The following DNAAF5 variants were observed in gnomAD, a reference collection of about 807,000 sequenced individuals.
DNAAF5 encodes dynein axonemal assembly factor 5.
DNAAF5 carries 64 observed loss-of-function variants against 75.8 expected under a neutral mutation model. The ratio of observed to expected loss-of-function variants is 0.84; its 90% CI spans 0.69 to 1.04. The LOEUF is 1.04. Among genes scored for constraint, DNAAF5 ranks in the 50% least tolerant of loss-of-function variants. The probability of loss-of-function intolerance (pLI) is 0.00; values close to 1 mark genes in which losing one functional copy is unlikely to be tolerated. For synonymous variants in DNAAF5, 657 were observed against 557.2 expected (o/e 1.18, Z -2.52); for missense variants, 1,269 against 1,178.5 (o/e 1.08, Z -1.12).
At chr7:766,871 GAATT>G (rs1226433637) in intron 8 of DNAAF5, among the ~76,000 whole-genome samples, 2 of 152,182 alleles carry the variant, frequency 1.3e-5, no homozygotes, top group South Asian at 2.1e-4. Context: ...TTATAAAAAA[GAATT>G]AATACAACTA....
At chr7:770,943 G>A (rs1162226433) in intron 9 of DNAAF5, 6 of 143,358 alleles carry the variant, frequency 4.2e-5, no homozygotes, top group African/African-American at 2.0e-4. Flanking sequence ...GAAGCAGCTA[G>A]TCCATCCTCA....
In DNAAF5 at chr7:754,090, G is replaced by A. The variant is rs185461320; in HGVS notation, c.1025-499G>A. On this transcript the variant is annotated intron_variant, in intron 4 of 12. Transcript: ENST00000297440. The surrounding 1 kb of genome is among the most constrained non-coding windows in gnomAD (Gnocchi z 4.8). ...TGTGTCTCTCTGATCATAGGGGGAC[G>A]GCTTCGCAGGCGTGTCTCTCTGATC... 1.6e-3 allele frequency among the ~76,000 whole-genome samples: 247 copies of A among 152,208 alleles called. 2 individuals are homozygous for A. Among genetic ancestry groups the A allele is most frequent in the African/African-American group, 4.9e-3 (204 of 41,494 alleles).
chr7:732,576 G>C, intron 2 of DNAAF5: 1 of 456,134 alleles, frequency 2.2e-6, no homozygotes, highest in Non-Finnish European at 4.4e-6. Flanking sequence ...TGCATGGACA[G>C]CTTTTCAGAG....
rs1000122338 is a variant in DNAAF5, at chr7:727,238, G to A, written c.518G>A (p.Cys173Tyr). Residue 173 changes from cysteine to tyrosine, a missense_variant, in exon 1 of 13, where the codon TGC becomes TAC. Cys to Tyr is a radical substitution (Grantham distance 194). Coordinates refer to ENST00000297440, the MANE Select transcript of DNAAF5 (RefSeq NM_017802.4). ...GACGACGCTCTGCGCGCGCTGCGCT[G>A]CTCCCTGCTCGACCCCTTCGCCGCC... ...HLDDALRALRCSLLDPFAAVR... is the reference protein window; with the variant it reads ...HLDDALRALRYSLLDPFAAVR... The A allele has an allele frequency of 7.4e-7, 1 of 1,359,754 alleles. No homozygotes were observed. Among genetic ancestry groups the A allele is most frequent in the Non-Finnish European group, 9.5e-7 (1 of 1,057,960 alleles). 84.2% of individuals were successfully genotyped at this position (1,359,754 alleles called of 1,614,324 possible).
intron 8 of DNAAF5, among the ~76,000 whole-genome samples, chr7:768,150 C>T (rs1483344269): frequency 1.0e-5 from 1 of 99,326 alleles, no homozygotes; most frequent in Non-Finnish European, 2.0e-5. Flanking sequence ...CGAGCGCTCG[C>T]GGCTGGGAGC....
intron 4 of DNAAF5, among the ~76,000 whole-genome samples, chr7:743,009 G>A (rs1156622781): frequency 6.6e-6 from 1 of 152,222 alleles, no homozygotes; most frequent in Non-Finnish European, 1.5e-5. Flanking sequence ...GCCTAGTTGA[G>A]GCGCTGAAGT....
intron 2 of DNAAF5, among the ~76,000 whole-genome samples, chr7:738,834 C>G (rs1438698962): frequency 6.6e-6 from 1 of 152,230 alleles, no homozygotes; most frequent in Non-Finnish European, 1.5e-5. Flanking sequence ...GCAAAAGAAG[C>G]CTATCTGTGG....
At chr7:774,303 C>A in intron 10 of DNAAF5, 105 bp downstream of exon 10, 1 of 1,207,724 alleles carries the variant, frequency 8.3e-7, no homozygotes, top group Non-Finnish European at 1.1e-6. Flanking sequence ...GCAGCAGCTG[C>A]ACCTCCACCT....
chr7:763,718 G>T, intron 7 of DNAAF5, 88 bp from the exon 8 acceptor site: 1 of 1,432,066 alleles, frequency 7.0e-7, no homozygotes, highest in South Asian at 1.3e-5. Flanking sequence ...TGGTTCTTAC[G>T]CGTGAGGGGG....
intron 4 of DNAAF5, among the ~76,000 whole-genome samples, chr7:753,888 C>T (rs1183126149): frequency 7.0e-6 from 1 of 143,018 alleles, no homozygotes; most frequent in African/African-American, 2.7e-5. Flanking sequence ...AGGCGTCTCT[C>T]TCTCATCATA....
chr7:735,054 A>G (rs1197465331), intron 2 of DNAAF5, among the ~76,000 whole-genome samples: 521 of 99,172 alleles, frequency 5.3e-3, no homozygotes, highest in Middle Eastern at 0.02. Context: ...AGCTGCTCAC[A>G]GTGTCGTTGC....
intron 4 of DNAAF5, among the ~76,000 whole-genome samples, chr7:752,245 A>T (rs1257611131): frequency 6.6e-6 from 1 of 152,260 alleles, no homozygotes; most frequent in Non-Finnish European, 1.5e-5. Flanking sequence ...TTAACCCCAG[A>T]TGCGTCAGGG....
rs565091510 is a variant in DNAAF5 at position 729,521 on chromosome 7, C to T, written c.596-142C>T. The T allele has an allele frequency of 6.8e-6, 5 of 732,016 alleles. No individual in the cohort carries two copies. The Admixed American group carries it at 8.1e-5, about 12-fold the overall frequency. 45.3% of individuals were successfully genotyped at this position (732,016 alleles called of 1,614,324 possible). A position where few individuals can be genotyped will look rare whatever the true frequency, so the allele number is the denominator to read the frequency against. On this transcript the variant is annotated intron_variant, in intron 1 of 12. Transcript: ENST00000297440. Reference sequence around the variant, plus strand: ...TCTCCTTGGCAGCCTGGATTGTGTACTGTTCATGCAGCAAGGACCTGGCGT... The same window carrying T: ...TCTCCTTGGCAGCCTGGATTGTGTATTGTTCATGCAGCAAGGACCTGGCGT...
In DNAAF5 at chr7:733,643, C is replaced by T. The variant is rs185047514; in HGVS notation, c.780+3796C>T. ...TCCCGAGTAGCTGGGACTACAGGTG[C>T]CTGCCACCGCACCTGGCTAATTTTT... On this transcript the variant is annotated intron_variant, in intron 2 of 12. Transcript: ENST00000297440. 5.8e-3 allele frequency among the ~76,000 whole-genome samples: 885 copies of T among 152,192 alleles called. 11 individuals carry two copies. Among genetic ancestry groups the T allele is most frequent in the African/African-American group, 0.02 (838 of 41,504 alleles).
chr7:756,409 G>C (rs979157740), intron 5 of DNAAF5, among the ~76,000 whole-genome samples: 7 of 152,100 alleles, frequency 4.6e-5, no homozygotes, highest in Non-Finnish European at 7.4e-5. Flanking sequence ...TGGTGAGTGT[G>C]TGATCCACTG....
At chr7:779,854 C>G (rs1039395868) in intron 11 of DNAAF5, 99 bp from the exon 12 acceptor site, 32 of 986,498 alleles carry the variant, frequency 3.2e-5, no homozygotes, top group South Asian at 2.6e-4. Flanking sequence ...GACCCCAGGG[C>G]AGGTGTCCCA....
Position 754,821 on chromosome 7 carries a change from T to C in DNAAF5, c.1257T>C (p.Ser419=), listed in dbSNP as rs1228210490. ...CTDEEAAVVQ[S]CTRSAELVGT... is the part of the protein sequence containing the mutation. ...ACGAGGAGGCAGCCGTGGTCCAAAG[T>C]GTAAGTGGCCGTATTCCAGTCGTGG... The change falls in exon 5 of 13, where the codon AGT becomes AGC. Residue 419 remains serine, a splice_region_variant and synonymous_variant. Coordinates refer to ENST00000297440, the MANE Select transcript of DNAAF5 (RefSeq NM_017802.4). This position sits in a 1 kb window ranked among gnomAD's most constrained non-coding sequence, Gnocchi z 4.8. 1 of 1,599,154 alleles carries C rather than the reference T, an allele frequency of 6.3e-7. No homozygotes were observed. Among genetic ancestry groups the C allele is most frequent in the South Asian group, 1.1e-5 (1 of 90,400 alleles).
intron 12 of DNAAF5, among the ~76,000 whole-genome samples, chr7:783,360 C>T (rs1309272270): frequency 6.6e-6 from 1 of 152,150 alleles, no homozygotes; most frequent in Non-Finnish European, 1.5e-5. Flanking sequence ...TGGCAGGGGG[C>T]GTGGGCCTCA....
chr7:744,126 TC>T (rs2128074097), intron 4 of DNAAF5, among the ~76,000 whole-genome samples: 1 of 152,180 alleles, frequency 6.6e-6, no homozygotes, highest in East Asian at 1.9e-4. Flanking sequence ...AGTGTGATGT[TC>T]CCCTTCCTGT....
Sources: gnomAD v4.1 joint callset for allele counts (sites outside exome capture counted in the v4.1 genomes callset) on GRCh38, gnomAD v4.1.1 for gene constraint, Gnocchi (gnomAD v3.1) non-coding constraint, MANE v1.5 for transcripts, NCBI Gene and HGNC (gene_info 2026-07-23, HGNC 2026-07-21) for gene names.